Variants in DGKB observed in about 807,000 individuals in gnomAD.
DGKB encodes 90 kDa diacylglycerol kinase.
DGKB carries 67 observed loss-of-function variants against 114.3 expected under a neutral mutation model. That is an observed-to-expected ratio of 0.59 (90% CI 0.48 to 0.72). The LOEUF is 0.72. Among genes scored for constraint, DGKB ranks in the 30% least tolerant of loss-of-function variants. The pLI is 0.00. For synonymous variants in DGKB, 398 were observed against 323.1 expected (o/e 1.23, Z -2.49); for missense variants, 907 against 975.2 (o/e 0.93, Z 0.93).
In DGKB at chr7:14,392,995, G is replaced by GTTTTGTTTTTTTTTT. The variant is rs1554404749; in HGVS notation, c.1836-47605_1836-47604insAAAAAAAAAACAAAA. On this transcript the variant is annotated intron_variant, in intron 21 of 25. Transcript: ENST00000402815. Reference sequence around the variant, plus strand: ...CAAAACAGACCTGTTTTTTGTTTTTGTTTTTTTTTTTTTGAGACGGAGTCT... The same window carrying GTTTTGTTTTTTTTTT: ...CAAAACAGACCTGTTTTTTGTTTTTGTTTTGTTTTTTTTTTTTTTTTTTTTTTTGAGACGGAGTCT... 5.0e-5 allele frequency among the ~76,000 whole-genome samples: 3 copies of GTTTTGTTTTTTTTTT among 60,546 alleles called. 1 individual carries two copies. Among genetic ancestry groups the GTTTTGTTTTTTTTTT allele is most frequent in the African/African-American group, 1.5e-4 (3 of 20,670 alleles). 39.7% of individuals were successfully genotyped at this position (60,546 alleles called of 152,430 possible).
In DGKB at chr7:14,368,615, A is replaced by T. The variant is rs138859702; in HGVS notation, c.1836-23224T>A. The stretch of plus-strand genomic sequence containing the variant: ...TGTGTGTGTATGAAAAAGGTAGTGT[A>T]TGTAAATACACAAACAGATATAAAG... On this transcript the variant is annotated intron_variant, in intron 21 of 25. Coordinates refer to ENST00000402815, the MANE Select transcript of DGKB (RefSeq NM_001350709.2). Among the ~76,000 whole-genome samples the T allele has an allele frequency of 1.4e-4, 21 of 151,724 alleles. No individual in the cohort carries two copies. In the East Asian group the frequency reaches 4.1e-3, roughly 30 times the overall value.
chr7:14,345,021 T>C (rs1812247381), intron 22 of DGKB, among the ~76,000 whole-genome samples: 1 of 151,780 alleles, frequency 6.6e-6, no homozygotes, highest in Non-Finnish European at 1.5e-5. Flanking sequence ...TACCTTTCTA[T>C]CTGCACTATG....
At chr7:14,330,045 T>C (rs929672513) in intron 23 of DGKB, among the ~76,000 whole-genome samples, 9 of 151,966 alleles carry the variant, frequency 5.9e-5, no homozygotes, top group African/African-American at 1.9e-4. Flanking sequence ...CTACAGAACA[T>C]ACCCATTAAA....
rs147026387 is a variant in DGKB at position 14,963,903 on chromosome 7, G to T, written c.-188+10793C>A. Among the ~76,000 whole-genome samples, 661 of 152,138 alleles carry T rather than the reference G, an allele frequency of 4.3e-3. 7 individuals carry two copies. The highest frequency in any genetic ancestry group is 0.015 in the African/African-American group (613 of 41,512). On this transcript the variant is annotated intron_variant, in intron 1 of 4. Coordinates refer to the DGKB transcript ENST00000437998. Reference sequence around the variant, plus strand: ...ATAGCACAGATCTTGCTCTGTAGCTGCACATAGCACAATTAGGAAGACACA... The same window carrying T: ...ATAGCACAGATCTTGCTCTGTAGCTTCACATAGCACAATTAGGAAGACACA...
intron 4 of DGKB, among the ~76,000 whole-genome samples, chr7:14,749,001 A>G (rs1304238565): frequency 1.3e-5 from 2 of 152,196 alleles, no homozygotes; most frequent in East Asian, 1.9e-4. Flanking sequence ...AATAATTTAA[A>G]TTAATCAGAG....
At chr7:14,511,254 T>G (rs896196020) in intron 20 of DGKB, among the ~76,000 whole-genome samples, 4 of 152,202 alleles carry the variant, frequency 2.6e-5, no homozygotes, top group Admixed American at 1.3e-4. Context: ...ATCTGTTGCT[T>G]AGTGTACACC....
chr7:14,605,968 A>G (rs1585072504), intron 17 of DGKB, among the ~76,000 whole-genome samples: 1 of 152,246 alleles, frequency 6.6e-6, no homozygotes, highest in East Asian at 1.9e-4. Flanking sequence ...TGAAACTGTA[A>G]GGCTTGTAAT....
At chr7:14,675,872 G>A (rs761714938) in intron 12 of DGKB, among the ~76,000 whole-genome samples, 7 of 152,016 alleles carry the variant, frequency 4.6e-5, no homozygotes, top group Non-Finnish European at 7.4e-5. Context: ...ACATTATGAC[G>A]TTGTTTGTAG....
intron 2 of DGKB, among the ~76,000 whole-genome samples, chr7:14,831,054 C>T (rs978053414): frequency 1.3e-5 from 2 of 151,854 alleles, no homozygotes; most frequent in Admixed American, 6.6e-5. Context: ...GTGAATTCCC[C>T]TTCATTCTTC....
At chr7:14,671,961 T>A (rs1563862023) in intron 13 of DGKB, among the ~76,000 whole-genome samples, 1 of 152,134 alleles carries the variant, frequency 6.6e-6, no homozygotes, top group Non-Finnish European at 1.5e-5. Context: ...TTAGAATTAG[T>A]TATTGCTATA....
intron 1 of DGKB, among the ~76,000 whole-genome samples, chr7:14,859,356 A>T (rs1850647789): frequency 6.6e-6 from 1 of 152,176 alleles, no homozygotes; most frequent in Non-Finnish European, 1.5e-5. Flanking sequence ...TTTCCCAGTT[A>T]TATGTGAAAG....
At chr7:14,912,175 T>G (rs899368921) in intron 1 of DGKB, among the ~76,000 whole-genome samples, 2 of 152,138 alleles carry the variant, frequency 1.3e-5, no homozygotes, top group Non-Finnish European at 2.9e-5. Flanking sequence ...AATTTAAGCT[T>G]TCTAAAGTAT....
chr7:14,395,295 T>C (rs994470600), intron 21 of DGKB, among the ~76,000 whole-genome samples: 5 of 152,208 alleles, frequency 3.3e-5, no homozygotes, highest in African/African-American at 1.2e-4. Context: ...TCTCTTACTC[T>C]CACCCTACCT....
chr7:14,811,050 A>T (rs903056295), intron 2 of DGKB, among the ~76,000 whole-genome samples: 1 of 152,160 alleles, frequency 6.6e-6, no homozygotes, highest in African/African-American at 2.4e-5. Context: ...CAGATGTTTT[A>T]AACAGTCCAA....
intron 6 of DGKB, among the ~76,000 whole-genome samples, chr7:14,708,889 C>T (rs1011873760): frequency 2.0e-5 from 3 of 151,126 alleles, no homozygotes; most frequent in South Asian, 2.1e-4. Flanking sequence ...CTTTACCATT[C>T]GGGACATAGG....
intron 21 of DGKB, among the ~76,000 whole-genome samples, chr7:14,435,346 G>A (rs1237223100): frequency 5.9e-5 from 9 of 152,162 alleles, no homozygotes; most frequent in East Asian, 5.8e-4. Context: ...GGAGAAGAAC[G>A]CAGTATGTAG....
At chr7:14,262,778 A>C (rs1432503540) in intron 23 of DGKB, among the ~76,000 whole-genome samples, 1 of 152,200 alleles carries the variant, frequency 6.6e-6, no homozygotes, top group Non-Finnish European at 1.5e-5. Flanking sequence ...ACCAGCTCCA[A>C]CTAATCAGAC....
chr7:14,200,110 C>G (rs188531994), intron 23 of DGKB, among the ~76,000 whole-genome samples: 1 of 152,058 alleles, frequency 6.6e-6, no homozygotes, highest in East Asian at 1.9e-4. Context: ...AAATTGAGCA[C>G]AAGGATTCAC....
At position 14,656,780 on chromosome 7, in the gene DGKB, T is replaced by C. The variant is rs920638932; in HGVS notation, c.1134+16149A>G. ...CACACACACACACACACATATCCTA[T>C]ATATATGGTATATATATACATATCC... On this transcript the variant is annotated intron_variant, in intron 13 of 25. Transcript: ENST00000402815. Among the ~76,000 whole-genome samples, 3 of 137,588 alleles carry C rather than the reference T, an allele frequency of 2.2e-5. No homozygotes were observed. In the East Asian group the frequency reaches 6.7e-4, roughly 31 times the overall value. The allele number at this position is 137,588 out of a possible 152,430, so 90.3% of individuals were successfully genotyped here.
Sources: allele counts gnomAD v4.1 joint callset (sites outside exome capture counted in the v4.1 genomes callset), GRCh38; gene constraint gnomAD v4.1.1; transcripts MANE v1.5; gene names NCBI Gene and HGNC (gene_info 2026-07-23, HGNC 2026-07-21).